Variants in PRELID2 observed in about 807,000 individuals in gnomAD.
PRELID2 encodes PRELI domain-containing protein 2.
PRELID2 carries 25 observed loss-of-function variants against 28.4 expected under a neutral mutation model. The observed-to-expected ratio is 0.88, with a 90% CI of 0.64 to 1.23. The LOEUF is 1.23. Among genes scored for constraint, PRELID2 ranks in the 50% most tolerant of loss-of-function variants. The probability of loss-of-function intolerance (pLI) is 0.00; values close to 1 mark genes in which losing one functional copy is unlikely to be tolerated. For synonymous variants in PRELID2, 76 were observed against 71.6 expected (o/e 1.06, Z -0.31); for missense variants, 201 against 214.4 (o/e 0.94, Z 0.39).
chr5:145,672,662 A>G (rs1009898022), intron 1 of PRELID2, among the ~76,000 whole-genome samples: 3 of 152,156 alleles, frequency 2.0e-5, no homozygotes, highest in African/African-American at 7.2e-5. Flanking sequence ...AAAAGAACTA[A>G]AAATTAGAAA....
the PRELID2 span, among the ~76,000 whole-genome samples, chr5:145,241,280 G>T: frequency 6.6e-6 from 1 of 151,836 alleles, no homozygotes; most frequent in Non-Finnish European, 1.5e-5. Flanking sequence ...TTGAAGACAC[G>T]ATTCTCATTC....
chr5:145,340,250 C>T, the PRELID2 span, among the ~76,000 whole-genome samples: 1 of 152,186 alleles, frequency 6.6e-6, no homozygotes, highest in South Asian at 2.1e-4. Context: ...CTGACTCAAC[C>T]TGCCAATATC....
At chr5:145,756,331 G>A (rs1446041552), downstream of PRELID2, among the ~76,000 whole-genome samples, 1 of 152,206 alleles carries the variant, frequency 6.6e-6, no homozygotes, top group Non-Finnish European at 1.5e-5. Flanking sequence ...AAATTAGAAT[G>A]CACACATAAA....
At chr5:145,421,529 T>C in the PRELID2 span, among the ~76,000 whole-genome samples, 4 of 147,220 alleles carry the variant, frequency 2.7e-5, no homozygotes, top group Admixed American at 2.8e-4. Flanking sequence ...ATAGAGGTGT[T>C]TGTAGTATTC....
At chr5:145,409,026 A>G in the PRELID2 span, among the ~76,000 whole-genome samples, 1 of 150,842 alleles carries the variant, frequency 6.6e-6, no homozygotes, top group Non-Finnish European at 1.5e-5. Context: ...ATTTCTCAGC[A>G]GAAACCCTAC....
chr5:145,381,214 T>C, the PRELID2 span, among the ~76,000 whole-genome samples: 1 of 152,284 alleles, frequency 6.6e-6, no homozygotes, highest in Middle Eastern at 3.4e-3. Flanking sequence ...ATCTATCCCA[T>C]GCAGGGCACT....
chr5:145,413,622 A>G, the PRELID2 span, among the ~76,000 whole-genome samples: 10 of 150,222 alleles, frequency 6.7e-5, no homozygotes, highest in African/African-American at 2.5e-4. Flanking sequence ...ACACACACAC[A>G]CACACACACA....
At chr5:145,751,680 C>A (rs1206903688), downstream of PRELID2, among the ~76,000 whole-genome samples, 1 of 152,168 alleles carries the variant, frequency 6.6e-6, no homozygotes, top group Non-Finnish European at 1.5e-5. Flanking sequence ...AAAATTAATG[C>A]TCCAAAAGAA....
At chr5:145,656,912 TA>T (rs1754406273) in intron 1 of PRELID2, among the ~76,000 whole-genome samples, 1 of 151,956 alleles carries the variant, frequency 6.6e-6, no homozygotes, top group Non-Finnish European at 1.5e-5. Context: ...AAAAAATAAA[TA>T]AATAAATAGA....
At chr5:145,686,220 T>C (rs1174998182) in intron 1 of PRELID2, among the ~76,000 whole-genome samples, 1 of 152,100 alleles carries the variant, frequency 6.6e-6, no homozygotes, top group Admixed American at 6.6e-5. Context: ...AAACCCTACA[T>C]ACACAAGATT....
chr5:145,684,520 C>T (rs1754998880), intron 1 of PRELID2, among the ~76,000 whole-genome samples: 1 of 152,136 alleles, frequency 6.6e-6, no homozygotes, highest in Non-Finnish European at 1.5e-5. Flanking sequence ...TTGTGCTTGC[C>T]CATGTGCAGG....
intron 4 of PRELID2, among the ~76,000 whole-genome samples, chr5:145,805,494 C>T (rs371680578): frequency 2.0e-5 from 3 of 152,052 alleles, no homozygotes; most frequent in Non-Finnish European, 2.9e-5. Flanking sequence ...TTAAAAATGT[C>T]GATTTTTCAT....
intron 5 of PRELID2, among the ~76,000 whole-genome samples, chr5:145,770,790 AT>A (rs1758053941): frequency 6.6e-6 from 1 of 152,240 alleles, no homozygotes; most frequent in Non-Finnish European, 1.5e-5. Context: ...TAGAATAAGG[AT>A]ATAAAGCAAA....
At chr5:145,650,588 T>G (rs1321747845) in intron 1 of PRELID2, among the ~76,000 whole-genome samples, 9 of 140,360 alleles carry the variant, frequency 6.4e-5, no homozygotes, top group Admixed American at 1.4e-4. Flanking sequence ...ACTAAAATAT[T>G]TTTTTTAATT....
At chr5:145,829,731 T>C (rs1466016500) in intron 1 of PRELID2, among the ~76,000 whole-genome samples, 1 of 152,142 alleles carries the variant, frequency 6.6e-6, no homozygotes, top group Non-Finnish European at 1.5e-5. Flanking sequence ...AATCTTCTAG[T>C]GGAACTGAGG....
chr5:145,413,251 G>A, the PRELID2 span, among the ~76,000 whole-genome samples: 3 of 152,118 alleles, frequency 2.0e-5, no homozygotes. Context: ...CATCACTAAT[G>A]ATCAAGGAAA....
At chr5:145,598,931 G>C (rs937835661) in intron 1 of PRELID2, among the ~76,000 whole-genome samples, 16 of 152,092 alleles carry the variant, frequency 1.1e-4, no homozygotes, top group African/African-American at 3.6e-4. Flanking sequence ...TTAGAGTTCT[G>C]GTTCCACTGG....
intron 1 of PRELID2, among the ~76,000 whole-genome samples, chr5:145,695,644 G>A (rs753830929): frequency 6.6e-6 from 1 of 152,082 alleles, no homozygotes; most frequent in African/African-American, 2.4e-5. Flanking sequence ...AAGGCTTCAC[G>A]GGGTCTTGGG....
intron 1 of PRELID2, among the ~76,000 whole-genome samples, chr5:145,482,103 T>C (rs902897272): frequency 2.0e-5 from 3 of 152,296 alleles, no homozygotes; most frequent in Admixed American, 6.5e-5. Flanking sequence ...CTGTCATCTT[T>C]ATCACATAAC....
Sources: allele counts gnomAD v4.1 joint callset (sites outside exome capture counted in the v4.1 genomes callset), GRCh38; gene constraint gnomAD v4.1.1; transcripts MANE v1.5; gene names NCBI Gene and HGNC (gene_info 2026-07-23, HGNC 2026-07-21).